Variants in GSK3B observed in about 807,000 individuals in gnomAD.
GSK3B encodes the protein glycogen synthase kinase-3 beta.
In GSK3B, 15 loss-of-function variants were observed where a neutral mutation model predicts 56.4. The observed-to-expected ratio is 0.27, with a 90% CI of 0.18 to 0.41. GSK3B has a LOEUF of 0.41. Ranked by LOEUF, GSK3B falls within the 10% of genes least tolerant of loss-of-function variation. The pLI, the probability that GSK3B is intolerant of heterozygous loss-of-function variation, is 1.00. For missense variants in GSK3B, 300 were observed against 513.4 expected, an observed-to-expected ratio of 0.58 and a Z score of 4.02; for synonymous variants, 181 against 188.9, an observed-to-expected ratio of 0.96 and a Z score of 0.34.
At chr3:119,963,906 G>A (rs1404363800) in intron 2 of GSK3B, among the ~76,000 whole-genome samples, 2 of 152,062 alleles carry the variant, frequency 1.3e-5, no homozygotes, top group East Asian at 3.8e-4. Context: ...ATCTGAAAAC[G>A]TAGAACCCTT....
intron 1 of GSK3B, among the ~76,000 whole-genome samples, chr3:120,012,347 A>G (rs2057785547): frequency 6.6e-6 from 1 of 152,220 alleles, no homozygotes; most frequent in African/African-American, 2.4e-5. Context: ...CACTTTGCCC[A>G]GTACTAAATT....
At chr3:119,873,153 C>T (rs1036923839) in intron 8 of GSK3B, among the ~76,000 whole-genome samples, 6 of 152,062 alleles carry the variant, frequency 3.9e-5, no homozygotes, top group African/African-American at 1.4e-4. Flanking sequence ...CTGGCTATTG[C>T]TATTTATGTA....
chr3:119,945,109 G>A (rs1003820615), intron 3 of GSK3B, among the ~76,000 whole-genome samples: 4 of 152,136 alleles, frequency 2.6e-5, no homozygotes, highest in African/African-American at 9.7e-5. Flanking sequence ...CATGAATGGG[G>A]CAAAAAGAAA....
intron 10 of GSK3B, among the ~76,000 whole-genome samples, chr3:119,830,156 T>C (rs1294648198): frequency 6.6e-6 from 1 of 152,178 alleles, no homozygotes; most frequent in Non-Finnish European, 1.5e-5. Context: ...AAGTTACATT[T>C]CATAATCTCT....
At chr3:119,901,944 T>C (rs1042692494) in intron 7 of GSK3B, among the ~76,000 whole-genome samples, 1 of 152,140 alleles carries the variant, frequency 6.6e-6, no homozygotes, top group Admixed American at 6.5e-5. Flanking sequence ...CCAGGGTTAG[T>C]TTCCCCCAGA....
intron 1 of GSK3B, among the ~76,000 whole-genome samples, chr3:120,073,060 T>G (rs1164988292): frequency 6.6e-6 from 1 of 152,026 alleles, no homozygotes; most frequent in African/African-American, 2.4e-5. Flanking sequence ...TGGCAAGAGT[T>G]ACTTAACTTC....
At chr3:119,952,487 C>CAAA (rs59526500) in intron 2 of GSK3B, among the ~76,000 whole-genome samples, 3 of 96,236 alleles carry the variant, frequency 3.1e-5, no homozygotes, top group African/African-American at 8.1e-5. Context: ...GACTCTGTCT[C>CAAA]AAAAAAAAAA....
chr3:119,864,987 T>G (rs1387439799), intron 8 of GSK3B, among the ~76,000 whole-genome samples: 1 of 152,192 alleles, frequency 6.6e-6, no homozygotes, highest in Non-Finnish European at 1.5e-5. Flanking sequence ...TTTATTCTTT[T>G]GAATACTCTG....
intron 10 of GSK3B, among the ~76,000 whole-genome samples, chr3:119,837,356 G>A (rs150016807): frequency 0.09 from 13,500 of 149,842 alleles, 766 homozygotes; most frequent in Non-Finnish European, 0.12. Flanking sequence ...TAGTAGAGAC[G>A]GGGTTTCACC....
intron 1 of GSK3B, among the ~76,000 whole-genome samples, chr3:120,017,289 C>T (rs1053778166): frequency 1.3e-5 from 2 of 152,138 alleles, no homozygotes; most frequent in African/African-American, 2.4e-5. Context: ...CTAGAAACAT[C>T]AACCTTGAGC....
At chr3:119,845,699 T>C (rs2055845631) in intron 9 of GSK3B, among the ~76,000 whole-genome samples, 1 of 152,108 alleles carries the variant, frequency 6.6e-6, no homozygotes, top group African/African-American at 2.4e-5. Context: ...TGCTAATGGA[T>C]AGGAAGAATT....
At chr3:119,843,768 A>G (rs1577310124) in intron 9 of GSK3B, among the ~76,000 whole-genome samples, 1 of 152,100 alleles carries the variant, frequency 6.6e-6, no homozygotes, top group African/African-American at 2.4e-5. Flanking sequence ...AGATCAACGA[A>G]ACAGAAAAGT....
chr3:119,978,972 C>G (rs1056552309), intron 2 of GSK3B, among the ~76,000 whole-genome samples: 3 of 152,158 alleles, frequency 2.0e-5, no homozygotes, highest in Admixed American at 2.0e-4. Context: ...AGAACAAAAA[C>G]AGACACCCTC....
chr3:120,011,629 G>A (rs991058304), intron 1 of GSK3B, among the ~76,000 whole-genome samples: 2 of 152,156 alleles, frequency 1.3e-5, no homozygotes, highest in African/African-American at 4.8e-5. Context: ...TACCTTAGCA[G>A]TAATTAAAAG....
chr3:119,825,654 A>T lies in GSK3B; in HGVS notation c.*1134T>A, dbSNP rs1194422394. The T allele has an allele frequency of 8.8e-6, 2 of 227,998 alleles. No individual in the cohort carries two copies. The highest frequency in any genetic ancestry group is 4.4e-5 in the African/African-American group (2 of 45,112). The allele number at this position is 227,998 out of a possible 1,614,324, so 14.1% of individuals were successfully genotyped here. ...AAATGTAAAAAGCATGAGGTTAAAA[A>T]ACAAATTAAATACAGATTCTAGATT... On this transcript the variant is annotated 3_prime_UTR_variant, in exon 11 of 11. Coordinates refer to ENST00000264235, the MANE Select transcript of GSK3B (RefSeq NM_001146156.2).
At chr3:120,074,254 C>G (rs935316078) in intron 1 of GSK3B, among the ~76,000 whole-genome samples, 1 of 151,028 alleles carries the variant, frequency 6.6e-6, no homozygotes, top group African/African-American at 2.4e-5. Flanking sequence ...GAATGTACAT[C>G]GCACCACCGC....
intron 1 of GSK3B, among the ~76,000 whole-genome samples, chr3:120,041,828 C>T (rs146547233): frequency 1.2e-4 from 18 of 152,270 alleles, no homozygotes; most frequent in African/African-American, 1.9e-4. Flanking sequence ...TTGATGGAGA[C>T]GCTCTTAAAG....
intron 3 of GSK3B, among the ~76,000 whole-genome samples, chr3:119,932,236 G>A (rs1274338256): frequency 1.3e-5 from 2 of 152,166 alleles, no homozygotes; most frequent in East Asian, 1.9e-4. Context: ...AGTAACCCAG[G>A]ATTCTCATCA....
At chr3:120,031,300 T>C (rs575373693) in intron 1 of GSK3B, among the ~76,000 whole-genome samples, 1 of 152,222 alleles carries the variant, frequency 6.6e-6, no homozygotes. Flanking sequence ...GAATGAAACG[T>C]AGATAAAAAT....
Sources: allele counts gnomAD v4.1 joint callset (sites outside exome capture counted in the v4.1 genomes callset), GRCh38; gene constraint gnomAD v4.1.1; transcripts MANE v1.5; gene names NCBI Gene and HGNC (gene_info 2026-07-23, HGNC 2026-07-21).